The following PRLR variants were observed in gnomAD, a reference collection of about 807,000 sequenced individuals.
PRLR encodes the protein hPRL receptor.
A neutral mutation model predicts 40.2 loss-of-function variants in PRLR; 13 were observed. The observed-to-expected ratio is 0.32, with a 90% CI of 0.21 to 0.51. The LOEUF (loss-of-function observed/expected upper bound fraction) is 0.51. Ranked by LOEUF, PRLR falls within the 20% of genes least tolerant of loss-of-function variation. The pLI, the probability that PRLR is intolerant of heterozygous loss-of-function variation, is 0.97. For synonymous variants in PRLR, 269 were observed against 278.7 expected, an observed-to-expected ratio of 0.97 and a Z score of 0.35; for missense variants, 656 against 747.3, an observed-to-expected ratio of 0.88 and a Z score of 1.42.
intron 6 of PRLR, 113 bp from the exon 7 acceptor site, chr5:35,070,378 C>A: frequency 1.8e-6 from 2 of 1,124,402 alleles, no homozygotes; most frequent in East Asian, 5.0e-5. Flanking sequence ...CAGAGAATTC[C>A]CTGCTGTCAC....
chr5:35,162,885 C>G (rs139981834), intron 1 of PRLR, among the ~76,000 whole-genome samples: 2 of 152,160 alleles, frequency 1.3e-5, no homozygotes, highest in East Asian at 1.9e-4. Context: ...AAGGGGAGTA[C>G]GTTGATATAT....
intron 1 of PRLR, among the ~76,000 whole-genome samples, chr5:35,134,216 C>A (rs937307173): frequency 2.6e-5 from 4 of 152,128 alleles, no homozygotes; most frequent in Admixed American, 6.6e-5. Flanking sequence ...AAACCCTTCA[C>A]ATATAAAGAG....
At chr5:35,122,813 G>A (rs1396838306) in intron 1 of PRLR, among the ~76,000 whole-genome samples, 1 of 152,188 alleles carries the variant, frequency 6.6e-6, no homozygotes, top group Non-Finnish European at 1.5e-5. Flanking sequence ...ATCCACTTGA[G>A]TCAAAGGCAT....
At chr5:35,206,766 C>G (rs1463471952) in intron 1 of PRLR, among the ~76,000 whole-genome samples, 1 of 151,572 alleles carries the variant, frequency 6.6e-6, no homozygotes, top group Non-Finnish European at 1.5e-5. Context: ...AAAGTAAACC[C>G]AAATCATAGT....
chr5:35,197,929 C>A (rs1775780478), intron 1 of PRLR, among the ~76,000 whole-genome samples: 1 of 152,192 alleles, frequency 6.6e-6, no homozygotes, highest in Admixed American at 6.5e-5. Flanking sequence ...GGAGTGATGC[C>A]CATCCTGGTT....
At chr5:35,070,736 G>A (rs567036693) in intron 6 of PRLR, among the ~76,000 whole-genome samples, 7 of 151,478 alleles carry the variant, frequency 4.6e-5, no homozygotes, top group Non-Finnish European at 8.8e-5. Context: ...CCAGCTACTT[G>A]GGAAGGTGAG....
chr5:35,187,086 T>C (rs1257199605), intron 1 of PRLR, among the ~76,000 whole-genome samples: 1 of 152,044 alleles, frequency 6.6e-6, no homozygotes, highest in East Asian at 1.9e-4. Flanking sequence ...ATCAGTAAAA[T>C]GGGTATAAGA....
chr5:35,068,025 T>G (rs1215252232), intron 9 of PRLR, among the ~76,000 whole-genome samples, 191 bp downstream of exon 9: 1 of 152,238 alleles, frequency 6.6e-6, no homozygotes, highest in Non-Finnish European at 1.5e-5. Context: ...CCTCTGACAT[T>G]TAGTGTGTGA....
At chr5:35,078,328 G>T (rs896389930) in intron 5 of PRLR, among the ~76,000 whole-genome samples, 2 of 151,790 alleles carry the variant, frequency 1.3e-5, no homozygotes, top group African/African-American at 4.8e-5. Flanking sequence ...AAGAAGAAAA[G>T]AAAGAAAAAT....
intron 9 of PRLR, among the ~76,000 whole-genome samples, chr5:35,066,909 G>A (rs938138890): frequency 1.3e-5 from 2 of 151,754 alleles, no homozygotes; most frequent in African/African-American, 2.4e-5. Flanking sequence ...GACAACAGGC[G>A]CCCACCACCA....
chr5:35,121,598 G>A (rs182440926), intron 1 of PRLR, among the ~76,000 whole-genome samples: 118 of 152,200 alleles, frequency 7.8e-4, no homozygotes, highest in Middle Eastern at 3.4e-3. Context: ...GACTTTCACC[G>A]AAAATAATAC....
chr5:35,067,092 G>C (rs930172840), intron 9 of PRLR, among the ~76,000 whole-genome samples: 2 of 152,118 alleles, frequency 1.3e-5, no homozygotes, highest in African/African-American at 2.4e-5. Flanking sequence ...ACTTGGGTCA[G>C]GTACTGACCT....
exon 9 of PRLR, chr5:35,048,835 G>T (rs1311099678): frequency 8.3e-5 from 22 of 263,656 alleles, no homozygotes; most frequent in African/African-American, 4.4e-5. Flanking sequence ...CAGAATGGGG[G>T]ACCACGTGCT....
chr5:35,196,326 G>C (rs1318969730), intron 1 of PRLR, among the ~76,000 whole-genome samples: 3 of 152,040 alleles, frequency 2.0e-5, no homozygotes, highest in African/African-American at 7.2e-5. Flanking sequence ...GAGTGAAGAG[G>C]GAAAATAACA....
At chr5:35,086,563 GT>G (rs2030151785) in intron 3 of PRLR, among the ~76,000 whole-genome samples, 5 of 140,844 alleles carry the variant, frequency 3.6e-5, no homozygotes, top group African/African-American at 1.0e-4. Flanking sequence ...TTTTGCTGGT[GT>G]GTGTGTGTGT....
intron 2 of PRLR, among the ~76,000 whole-genome samples, chr5:35,114,070 A>C (rs1772863396): frequency 6.6e-6 from 1 of 152,236 alleles, no homozygotes; most frequent in African/African-American, 2.4e-5. Flanking sequence ...GAGGCCTAGC[A>C]GAAGTCTTCA....
chr5:35,070,841 C>CAAAAA (rs34668616), intron 6 of PRLR, among the ~76,000 whole-genome samples: 17 of 69,086 alleles, frequency 2.5e-4, no homozygotes, highest in South Asian at 5.0e-4. Flanking sequence ...AACTCCGTCT[C>CAAAAA]AAAAAAAAAA....
In PRLR at chr5:35,061,242, T is replaced by C. The variant is rs373705151; in HGVS notation, c.*3847A>G. The C allele has an allele frequency of 6.6e-6, 1 of 152,134 alleles. No individual in the cohort carries two copies. The highest frequency in any genetic ancestry group is 1.9e-4 in the East Asian group (1 of 5,196). The allele number at this position is 152,134 out of a possible 1,614,324, so 9.4% of individuals were successfully genotyped here. ...GCACTTTGTAAAATGTGCACAAATC[T>C]GTTTCTTTCTTGTCTACTCTAAGGA... On this transcript the variant is annotated 3_prime_UTR_variant, in exon 10 of 10. Coordinates refer to ENST00000618457, the MANE Select transcript of PRLR (RefSeq NM_000949.7).
chr5:35,175,863 C>G (rs1334176506), intron 1 of PRLR, among the ~76,000 whole-genome samples: 1 of 152,066 alleles, frequency 6.6e-6, no homozygotes, highest in East Asian at 1.9e-4. Flanking sequence ...TCTTAGCACA[C>G]AAAGTTACAA....
Sources: allele counts gnomAD v4.1 joint callset (sites outside exome capture counted in the v4.1 genomes callset), GRCh38; gene constraint gnomAD v4.1.1; transcripts MANE v1.5; gene names NCBI Gene and HGNC (gene_info 2026-07-23, HGNC 2026-07-21).